The following PRPH2 variants were observed in gnomAD, a reference collection of about 807,000 sequenced individuals.
The protein encoded by PRPH2 is peripherin-2.
Under a neutral mutation model 31.3 loss-of-function variants are expected in PRPH2, and 17 were observed. The ratio of observed to expected loss-of-function variants is 0.54; its 90% CI spans 0.37 to 0.81. The LOEUF (loss-of-function observed/expected upper bound fraction) is 0.81. PRPH2 is among the 40% of genes least tolerant of loss of function. PRPH2 has a pLI of 0.00. For missense variants in PRPH2, 430 were observed against 439.7 expected, an observed-to-expected ratio of 0.98 and a Z score of 0.20; for synonymous variants, 165 against 184.4, an observed-to-expected ratio of 0.89 and a Z score of 0.85.
chr6:42,702,587 C>T (rs75792887), intron 2 of PRPH2, among the ~76,000 whole-genome samples: 4 of 146,178 alleles, frequency 2.7e-5, no homozygotes, highest in African/African-American at 5.1e-5. Context: ...TCTCTGACCA[C>T]GTGTGGTGGC....
intron 1 of PRPH2, among the ~76,000 whole-genome samples, chr6:42,716,126 T>G (rs912778889): frequency 4.6e-5 from 7 of 152,146 alleles, no homozygotes; most frequent in Non-Finnish European, 1.0e-4. Context: ...CTGTGGATTT[T>G]CTCCAGGCTA....
intron 2 of PRPH2, among the ~76,000 whole-genome samples, chr6:42,699,500 AC>A (rs1358285754): frequency 1.3e-5 from 2 of 152,196 alleles, no homozygotes; most frequent in Non-Finnish European, 2.9e-5. Flanking sequence ...CAGCCGTGTG[AC>A]CAGGAAACCT....
chr6:42,699,930 A>G (rs1272942302), intron 2 of PRPH2, among the ~76,000 whole-genome samples: 1 of 150,828 alleles, frequency 6.6e-6, no homozygotes, highest in Non-Finnish European at 1.5e-5. Flanking sequence ...CAGAAGAGTC[A>G]GCTGTAGCTG....
chr6:42,715,476 GC>G (rs1213850550), intron 1 of PRPH2, among the ~76,000 whole-genome samples: 3 of 152,010 alleles, frequency 2.0e-5, no homozygotes. Flanking sequence ...TTCGAGGCCA[GC>G]CTGACCAACA....
chr6:42,710,559 G>C (rs751830397), intron 1 of PRPH2, among the ~76,000 whole-genome samples: 1 of 152,204 alleles, frequency 6.6e-6, no homozygotes, highest in Non-Finnish European at 1.5e-5. Flanking sequence ...GCAGAGGAGA[G>C]CGCCTTAGTG....
At chr6:42,707,796 C>T (rs1248041162) in intron 1 of PRPH2, among the ~76,000 whole-genome samples, 1 of 152,106 alleles carries the variant, frequency 6.6e-6, no homozygotes, top group African/African-American at 2.4e-5. Flanking sequence ...CCCTGTAATC[C>T]CTGCCCTCTA....
Position 42,697,810 on chromosome 6 carries a change from T to TAAA in PRPH2, c.*482_*484dup, listed in dbSNP as rs55851577. On this transcript the variant is annotated 3_prime_UTR_variant, in exon 3 of 3. Transcript: ENST00000230381. ...ACGGCCAACCTGTCAATCTTGGCAT[T>TAAA]AAAAAAAAAAAAAAAAGACAACATG... is the stretch of plus-strand genomic sequence containing the variant. The TAAA allele has an allele frequency of 2.0e-3, 288 of 143,678 alleles. 2 individuals carry two copies. The highest frequency in any genetic ancestry group is 3.7e-3 in the South Asian group (17 of 4,582). The allele number at this position is 143,678 out of a possible 1,614,324, so 8.9% of individuals were successfully genotyped here.
At chr6:42,706,326 A>G (rs1020520626) in intron 1 of PRPH2, among the ~76,000 whole-genome samples, 3 of 151,678 alleles carry the variant, frequency 2.0e-5, no homozygotes, top group Non-Finnish European at 2.9e-5. Context: ...AATGGCGTGA[A>G]CCCAGGGGGC....
chr6:42,704,654 C>A, intron 1 of PRPH2, 43 bp from the exon 2 acceptor site: 1 of 1,614,106 alleles, frequency 6.2e-7, no homozygotes, highest in Non-Finnish European at 8.5e-7. Context: ...TCCCGGGCTT[C>A]TCAACAGGGG....
intron 1 of PRPH2, among the ~76,000 whole-genome samples, chr6:42,708,771 T>C (rs1800218754): frequency 6.6e-6 from 1 of 152,102 alleles, no homozygotes. Context: ...GTCCTAAATA[T>C]GTATTTGGGA....
intron 1 of PRPH2, among the ~76,000 whole-genome samples, chr6:42,715,860 A>G (rs1357915295): frequency 6.6e-6 from 1 of 152,130 alleles, no homozygotes; most frequent in African/African-American, 2.4e-5. Context: ...CTCTATCCTC[A>G]GGTTTCTGGG....
chr6:42,719,409 C>T (rs1224624449), intron 1 of PRPH2, among the ~76,000 whole-genome samples: 7 of 151,820 alleles, frequency 4.6e-5, no homozygotes, highest in Non-Finnish European at 7.4e-5. Context: ...CTCCTGACCT[C>T]GTGATCCACC....
chr6:42,721,865 T>G lies in PRPH2; in HGVS notation c.470A>C (p.Asp157Ala). Reference sequence around the variant, plus strand: ...GCATTTGAACTCGATCTGCAGCATGTCGATGGTCTTCTTCATGAAACACCT... The same window carrying G: ...GCATTTGAACTCGATCTGCAGCATGGCGATGGTCTTCTTCATGAAACACCT... ...PGRCFMKKTI[D>A]MLQIEFKCCG... is the part of the protein sequence containing the mutation. The change falls in exon 1 of 3, where the codon GAC becomes GCC. Residue 157 changes from aspartate (D) to alanine (A), a missense_variant. Coordinates refer to ENST00000230381, the MANE Select transcript of PRPH2 (RefSeq NM_000322.5). 6.2e-7 allele frequency: 1 copy of G among 1,614,196 alleles called. No individual in the cohort carries two copies. Among genetic ancestry groups the G allele is most frequent in the Non-Finnish European group, 8.5e-7 (1 of 1,180,042 alleles).
intron 1 of PRPH2, chr6:42,712,041 A>G (rs895323527): frequency 2.6e-5 from 23 of 887,550 alleles, no homozygotes; most frequent in Non-Finnish European, 3.1e-5. Context: ...TCTTGCCACA[A>G]CTGAGCCTGA....
intron 2 of PRPH2, among the ~76,000 whole-genome samples, chr6:42,702,178 G>A (rs992939947): frequency 3.3e-5 from 5 of 151,854 alleles, no homozygotes; most frequent in Non-Finnish European, 7.4e-5. Context: ...GGAGTCTGAG[G>A]TTGCCGTGAG....
chr6:42,719,651 A>G (rs1190389782), intron 1 of PRPH2, among the ~76,000 whole-genome samples: 3 of 145,934 alleles, frequency 2.1e-5, no homozygotes, highest in African/African-American at 7.7e-5. Flanking sequence ...GCTCACCACA[A>G]TCTCTGCCTC....
At chr6:42,709,904 G>A (rs1275550022) in intron 1 of PRPH2, among the ~76,000 whole-genome samples, 2 of 152,254 alleles carry the variant, frequency 1.3e-5, no homozygotes, top group African/African-American at 4.8e-5. Context: ...CTACCAGGTG[G>A]CCCTAAGGTG....
intron 1 of PRPH2, among the ~76,000 whole-genome samples, chr6:42,705,599 A>AAAAAAAATATATATATATATATAT (rs1562424252): frequency 4.6e-5 from 1 of 21,566 alleles, no homozygotes; most frequent in African/African-American, 1.8e-4. Flanking sequence ...AAAAAAAAAA[A>AAAAAAAATATATATATATATATAT]ATATATATAT....
intron 2 of PRPH2, among the ~76,000 whole-genome samples, chr6:42,703,581 AAACGT>A (rs1562422657): frequency 6.6e-6 from 1 of 152,270 alleles, no homozygotes; most frequent in Non-Finnish European, 1.5e-5. Flanking sequence ...AAAAGAAGCC[AAACGT>A]AATATGGGTC....
Sources: gnomAD v4.1 joint callset for allele counts (sites outside exome capture counted in the v4.1 genomes callset) on GRCh38, gnomAD v4.1.1 for gene constraint, MANE v1.5 for transcripts, NCBI Gene and HGNC (gene_info 2026-07-23, HGNC 2026-07-21) for gene names.